MYH7B: variants seen among roughly 807,000 people sequenced by gnomAD.
The protein encoded by MYH7B is myosin heavy chain 7B, also known as myosin-7B.
A neutral mutation model predicts 234.5 loss-of-function variants in MYH7B; 205 were observed. That is an observed-to-expected ratio of 0.87 (90% CI 0.78 to 0.98). The LOEUF (loss-of-function observed/expected upper bound fraction) is 0.98, where lower values mean the gene tolerates loss of function less well. Ranked by LOEUF, MYH7B falls within the 50% of genes least tolerant of loss-of-function variation. The pLI is 0.00. For missense variants in MYH7B, 2,652 were observed against 2,633.4 expected (o/e 1.01, Z -0.15); for synonymous variants, 1,193 against 1,105.0 (o/e 1.08, Z -1.58).
At chr20:34,992,578 T>G (rs2082176073) in intron 24 of MYH7B, among the ~76,000 whole-genome samples, 1 of 145,456 alleles carries the variant, frequency 6.9e-6, no homozygotes, top group Non-Finnish European at 1.5e-5. Context: ...TTTTTTTTTT[T>G]GAGACGGAGT....
intron 19 of MYH7B, 140 bp downstream of exon 19, chr20:34,988,402 G>C: frequency 1.0e-6 from 1 of 959,244 alleles, no homozygotes; most frequent in Non-Finnish European, 1.5e-6. Flanking sequence ...GCATGCATGT[G>C]AGTGTAGTTG....
At chr20:34,985,078 C>T (rs202042148) in exon 13 of MYH7B, 11 of 1,614,136 alleles carry the variant, frequency 6.8e-6, no homozygotes, top group East Asian at 6.7e-5. Flanking sequence ...CAAGTTCATC[C>T]GCATTCACTT....
intron 13 of MYH7B, among the ~76,000 whole-genome samples, 172 bp from the exon 14 acceptor site, chr20:34,985,928 G>A (rs2082013078): frequency 1.3e-5 from 2 of 152,166 alleles, no homozygotes; most frequent in Admixed American, 6.5e-5. Flanking sequence ...CAGACACACG[G>A]CTCGTGTGAT....
chr20:34,966,235 T>C (rs187698163), intron 2 of MYH7B, among the ~76,000 whole-genome samples: 50 of 152,346 alleles, frequency 3.3e-4, no homozygotes, highest in South Asian at 2.3e-3. Context: ...GCTGTCCAGA[T>C]ATCCTTCCAC....
chr20:34,990,740 G>A, exon 23 of MYH7B: 2 of 1,614,152 alleles, frequency 1.2e-6, no homozygotes, highest in Non-Finnish European at 1.7e-6. Context: ...ACTGCCAGGA[G>A]AACCTCAACA....
chr20:34,957,102 C>G (rs1177490253), intron 1 of MYH7B, among the ~76,000 whole-genome samples: 1 of 152,124 alleles, frequency 6.6e-6, no homozygotes, highest in African/African-American at 2.4e-5. Flanking sequence ...GAGGGTTGCT[C>G]GGCTTGTTTT....
At chr20:34,999,996 G>T in intron 38 of MYH7B, 90 bp downstream of exon 38, 1 of 1,225,956 alleles carries the variant, frequency 8.2e-7, no homozygotes, top group East Asian at 2.5e-5. Flanking sequence ...TCCCTCCCAT[G>T]GGACTTTGAG....
chr20:34,978,430 G>T (rs892821567), intron 5 of MYH7B, among the ~76,000 whole-genome samples: 2 of 152,164 alleles, frequency 1.3e-5, no homozygotes, highest in Non-Finnish European at 1.5e-5. Context: ...CTGCCTCCGC[G>T]TGTCCACAAA....
exon 19 of MYH7B, chr20:34,988,211 C>T (rs765913624): frequency 4.3e-6 from 7 of 1,614,130 alleles, no homozygotes; most frequent in Admixed American, 1.7e-5. Flanking sequence ...TCGACTGGGT[C>T]TTCATCGACT....
exon 13 of MYH7B, chr20:34,985,089 T>C: frequency 1.2e-6 from 2 of 1,614,092 alleles, no homozygotes; most frequent in Non-Finnish European, 1.7e-6. Flanking sequence ...GCATTCACTT[T>C]GGTCCCTCTG....
At chr20:34,963,162 GA>G (rs896155052) in intron 2 of MYH7B, among the ~76,000 whole-genome samples, 3 of 152,188 alleles carry the variant, frequency 2.0e-5, no homozygotes, top group Admixed American at 2.0e-4. Context: ...TAATGACAAG[GA>G]AAAAAGTCTG....
In MYH7B at chr20:34,955,908, G is replaced by A. The variant is rs1035190938; in HGVS notation, c.-436G>A. 1.3e-5 allele frequency: 2 copies of A among 152,412 alleles called. No homozygotes were observed. The highest frequency in any genetic ancestry group is 4.8e-5 in the African/African-American group (2 of 41,460). 9.4% of individuals were successfully genotyped at this position (152,412 alleles called of 1,614,324 possible). On this transcript the variant is annotated 5_prime_UTR_variant, in exon 1 of 45. It removes an upstream start codon present in the reference 5' UTR. Transcript: ENST00000262873. ...TCGAGGCCAGGAAGGGGCGGTCGAT[G>A]AGAGGGCGGCCTTAGCATTAGGAGT...
intron 2 of MYH7B, among the ~76,000 whole-genome samples, chr20:34,964,621 A>C (rs1371608664): frequency 6.6e-6 from 1 of 152,200 alleles, no homozygotes; most frequent in Non-Finnish European, 1.5e-5. Flanking sequence ...GAGTGAAGCC[A>C]AAAGAGAATT....
intron 32 of MYH7B, 48 bp from the exon 33 acceptor site, chr20:34,998,247 G>GT (rs2082301022): frequency 6.2e-7 from 1 of 1,604,360 alleles, no homozygotes; most frequent in African/African-American, 1.3e-5. Context: ...GCACAAACTT[G>GT]TTCTGACATC....
At chr20:34,994,280 G>C in exon 27 of MYH7B, 1 of 1,612,624 alleles carries the variant, frequency 6.2e-7, no homozygotes, top group Non-Finnish European at 8.5e-7. Flanking sequence ...GCGGCCCTGC[G>C]GGCAGAGCTG....
At chr20:34,978,140 C>A (rs546937323) in intron 5 of MYH7B, 44 bp downstream of exon 5, 2 of 1,608,688 alleles carry the variant, frequency 1.2e-6, no homozygotes, top group Non-Finnish European at 1.7e-6. Context: ...ACAGAGATGC[C>A]CTTATGGACT....
At chr20:34,993,302 G>A (rs775175225) in intron 25 of MYH7B, 32 bp from the exon 26 acceptor site, 7 of 1,613,930 alleles carry the variant, frequency 4.3e-6, no homozygotes, top group African/African-American at 1.3e-5. Flanking sequence ...ATGGTTGGGG[G>A]TTACCCTGGC....
exon 34 of MYH7B, chr20:34,998,572 G>A (rs2082307319): frequency 6.2e-7 from 1 of 1,613,562 alleles, no homozygotes; most frequent in African/African-American, 1.3e-5. Flanking sequence ...GCCGTGGAAA[G>A]GCCCTGGCCG....
intron 9 of MYH7B, 42 bp downstream of exon 9, chr20:34,981,102 A>G: frequency 6.2e-7 from 1 of 1,612,444 alleles, no homozygotes; most frequent in Non-Finnish European, 8.5e-7. Context: ...AATGCTGGCC[A>G]TCTGGCAGAA....
Sources: gnomAD v4.1 joint callset for allele counts (sites outside exome capture counted in the v4.1 genomes callset) on GRCh38, gnomAD v4.1.1 for gene constraint, MANE v1.5 for transcripts, NCBI Gene and HGNC (gene_info 2026-07-23, HGNC 2026-07-21) for gene names.